The following GLI3 variants were observed in gnomAD, a reference collection of about 807,000 sequenced individuals.
GLI3 encodes transcription activator GLI3.
A neutral mutation model predicts 100.8 loss-of-function variants in GLI3; 20 were observed. The observed-to-expected ratio is 0.20, with a 90% CI of 0.14 to 0.29. The LOEUF is 0.29. GLI3 is among the 10% of genes least tolerant of loss of function. The pLI is 1.00. For missense variants in GLI3, 2,040 were observed against 2,128.5 expected (o/e 0.96, Z 0.82); for synonymous variants, 938 against 860.5 (o/e 1.09, Z -1.58).
At chr7:42,172,292 T>C (rs1787389750) in intron 2 of GLI3, among the ~76,000 whole-genome samples, 4 of 151,284 alleles carry the variant, frequency 2.6e-5, no homozygotes, top group Non-Finnish European at 4.4e-5. Flanking sequence ...GCCTGCAGGA[T>C]TCATGCACAT....
chr7:41,966,033 C>G lies in GLI3; in HGVS notation c.3040G>C (p.Glu1014Gln), dbSNP rs373643864. Residue 1014 changes from glutamate to glutamine, a missense_variant, in exon 15 of 15, where the codon GAG becomes CAG. Physicochemically the swap from Glu to Gln is conservative, Grantham distance 29 (BLOSUM62 2). Around this residue, in one of 5 missense-constraint regions of GLI3, gnomAD observed 1,041 missense variants for 924.0 expected, o/e 1.13. Transcript: ENST00000395925. This position sits in a 1 kb window ranked among gnomAD's most constrained non-coding sequence, Gnocchi z 5.8. ...RASDPVRTGS[E>Q]GLALPRVPRF... ...GGCACACGAGGCAGGGCCAGGCCCT[C>G]GGAGCCTGTCCGCACCGGGTCGCTG... 1 of 1,592,330 alleles carries G rather than the reference C, an allele frequency of 6.3e-7. No homozygotes were observed.
intron 1 of GLI3, among the ~76,000 whole-genome samples, chr7:42,249,638 C>T (rs967767803): frequency 2.0e-5 from 3 of 152,060 alleles, no homozygotes; most frequent in Admixed American, 6.5e-5. Context: ...CTTGTGAGAC[C>T]GACTGAGCTA....
intron 10 of GLI3, among the ~76,000 whole-genome samples, chr7:41,987,079 A>AACATAC (rs1442983290): frequency 9.2e-4 from 113 of 122,460 alleles, no homozygotes; most frequent in South Asian, 1.4e-3. Context: ...CTTCTGCTAC[A>AACATAC]ACATACACAG....
At chr7:42,203,870 A>G (rs1583645228) in intron 2 of GLI3, among the ~76,000 whole-genome samples, 1 of 152,080 alleles carries the variant, frequency 6.6e-6, no homozygotes, top group Admixed American at 6.6e-5. Context: ...GTAGTGGTAC[A>G]AGCCTGTAAT....
chr7:42,114,842 C>T (rs751735068), intron 3 of GLI3, among the ~76,000 whole-genome samples: 1 of 151,832 alleles, frequency 6.6e-6, no homozygotes, highest in Admixed American at 6.6e-5. Flanking sequence ...GTTGGGACTA[C>T]AGGCATGCAC....
chr7:42,023,684 GAA>G, intron 9 of GLI3, 76 bp from the exon 10 acceptor site: 1 of 1,425,080 alleles, frequency 7.0e-7, no homozygotes, highest in Non-Finnish European at 9.9e-7. Context: ...GACAAGAAGA[GAA>G]AGTAAAAACC....
intron 12 of GLI3, among the ~76,000 whole-genome samples, chr7:41,975,568 T>C (rs538050475): frequency 3.3e-5 from 5 of 152,358 alleles, no homozygotes; most frequent in African/African-American, 1.2e-4. Flanking sequence ...TGCTCAAGTG[T>C]GGTCAATGAC....
chr7:42,226,816 T>C (rs945849319), intron 1 of GLI3, among the ~76,000 whole-genome samples: 4 of 152,150 alleles, frequency 2.6e-5, no homozygotes, highest in African/African-American at 9.7e-5. Flanking sequence ...CCACACCTCA[T>C]CAAACTGTGG....
At chr7:42,166,441 A>C (rs1787242392) in intron 2 of GLI3, among the ~76,000 whole-genome samples, 1 of 152,116 alleles carries the variant, frequency 6.6e-6, no homozygotes, top group Non-Finnish European at 1.5e-5. Context: ...AGGGTGGCCA[A>C]AACAACAGGC....
At chr7:42,089,892 A>G (rs926361753) in intron 3 of GLI3, among the ~76,000 whole-genome samples, 2 of 152,178 alleles carry the variant, frequency 1.3e-5, no homozygotes, top group African/African-American at 4.8e-5. Flanking sequence ...GCATTCTAAG[A>G]AATATGTCTT....
At chr7:42,249,205 A>G (rs936511772) in intron 1 of GLI3, among the ~76,000 whole-genome samples, 1 of 152,196 alleles carries the variant, frequency 6.6e-6, no homozygotes, top group Non-Finnish European at 1.5e-5. Flanking sequence ...TTCAGGCCAT[A>G]CAGTATCCAC....
intron 3 of GLI3, among the ~76,000 whole-genome samples, chr7:42,122,633 C>G: frequency 6.6e-6 from 1 of 152,192 alleles, no homozygotes; most frequent in East Asian, 1.9e-4. Flanking sequence ...GAATCCTGTC[C>G]TTTCTAATTC....
upstream of GLI3, among the ~76,000 whole-genome samples, chr7:42,241,752 A>G (rs1364665211): frequency 6.6e-6 from 1 of 152,118 alleles, no homozygotes; most frequent in Non-Finnish European, 1.5e-5. Context: ...CGCCAATCCC[A>G]CAAGTTGGGA....
At chr7:41,998,059 T>G (rs966450179) in intron 10 of GLI3, among the ~76,000 whole-genome samples, 11 of 152,172 alleles carry the variant, frequency 7.2e-5, no homozygotes, top group Non-Finnish European at 1.5e-4. Flanking sequence ...GGGCAAGAAT[T>G]AGGAATTCTT....
At chr7:42,079,625 G>C (rs546646581) in intron 3 of GLI3, among the ~76,000 whole-genome samples, 1 of 152,154 alleles carries the variant, frequency 6.6e-6, no homozygotes, top group Admixed American at 6.5e-5. Flanking sequence ...TCATAAAGTC[G>C]TACCCATCTC....
chr7:42,074,693 T>G (rs1461924847), intron 4 of GLI3, among the ~76,000 whole-genome samples: 1 of 152,042 alleles, frequency 6.6e-6, no homozygotes, highest in South Asian at 2.1e-4. Flanking sequence ...CCTGCCAGGA[T>G]GCACTAAAAC....
At chr7:42,175,846 A>G (rs545248836) in intron 2 of GLI3, among the ~76,000 whole-genome samples, 3 of 152,320 alleles carry the variant, frequency 2.0e-5, no homozygotes, top group African/African-American at 7.2e-5. Context: ...TTAAATCCTC[A>G]CCATGAGCTT....
intron 2 of GLI3, among the ~76,000 whole-genome samples, chr7:42,154,485 G>T (rs988317755): frequency 1.3e-5 from 2 of 152,188 alleles, no homozygotes; most frequent in Non-Finnish European, 2.9e-5. Flanking sequence ...TGTTTGCAAA[G>T]AGCATTATTT....
intron 2 of GLI3, among the ~76,000 whole-genome samples, chr7:42,156,835 A>C (rs1215791285): frequency 6.6e-6 from 1 of 152,230 alleles, no homozygotes; most frequent in Non-Finnish European, 1.5e-5. Flanking sequence ...TCCCATCACC[A>C]GCAAAGTTCT....
Sources: gnomAD v4.1 joint callset for allele counts (sites outside exome capture counted in the v4.1 genomes callset) on GRCh38, gnomAD v4.1.1 for gene constraint, gnomAD v4.1.1 regional missense constraint, Gnocchi (gnomAD v3.1) non-coding constraint, MANE v1.5 for transcripts, NCBI Gene and HGNC (gene_info 2026-07-23, HGNC 2026-07-21) for gene names.